The following DENND1A variants were observed in gnomAD, a reference collection of about 807,000 sequenced individuals.
DENND1A encodes DENN domain containing 1A.
DENND1A carries 51 observed loss-of-function variants against 113.7 expected under a neutral mutation model. The ratio of observed to expected loss-of-function variants is 0.45; its 90% CI spans 0.36 to 0.57. The LOEUF is 0.57. Ranked by LOEUF, DENND1A falls within the 20% of genes least tolerant of loss-of-function variation. DENND1A has a pLI of 0.00. For synonymous variants in DENND1A, 565 were observed against 570.8 expected (o/e 0.99, Z 0.14); for missense variants, 1,258 against 1,395.9 (o/e 0.90, Z 1.57).
intron 2 of DENND1A, among the ~76,000 whole-genome samples, chr9:123,857,277 C>T (rs1844361522): frequency 6.6e-6 from 1 of 152,180 alleles, no homozygotes; most frequent in Non-Finnish European, 1.5e-5. Flanking sequence ...CACAAGAGCC[C>T]TTCAAGTTGG....
At chr9:123,856,782 T>C (rs756791802) in intron 2 of DENND1A, among the ~76,000 whole-genome samples, 12 of 151,606 alleles carry the variant, frequency 7.9e-5, no homozygotes, top group South Asian at 2.1e-4. Flanking sequence ...AGAGCCCCAA[T>C]TGAGTTAAGG....
rs1256010674 is a variant in DENND1A, at chr9:123,440,484, G to A, written c.1364C>T (p.Ala455Val). The A allele has an allele frequency of 1.3e-6, 2 of 1,571,984 alleles. No homozygotes were observed. Among genetic ancestry groups the A allele is most frequent in the African/African-American group, 1.4e-5 (1 of 71,166 alleles). The change falls in exon 19 of 24, where the codon GCC becomes GTC. Residue 455 changes from alanine to valine, a missense_variant. Ala to Val is a moderately conservative substitution (Grantham distance 64). Around this residue, in one of 2 missense-constraint regions of DENND1A, gnomAD observed 1,159 missense variants for 1,231.7 expected, o/e 0.94. Coordinates refer to ENST00000394215, the MANE Select transcript of DENND1A (RefSeq NM_001352964.2). Reference sequence around the variant, plus strand: ...TGGGGTGGGGGCGCAGCCATTCTCGGCAATGTCCTGTAGGGAGAAGGATAG... The same window carrying A: ...TGGGGTGGGGGCGCAGCCATTCTCGACAATGTCCTGTAGGGAGAAGGATAG... ...VKNRLKQKDI[A>V]ENGCAPTPEE...
chr9:123,872,312 CAA>C (rs1265576735), intron 2 of DENND1A, among the ~76,000 whole-genome samples: 1 of 152,090 alleles, frequency 6.6e-6, no homozygotes, highest in Non-Finnish European at 1.5e-5. Context: ...TCATTTATAA[CAA>C]GAGAACTTTG....
At chr9:123,432,404 C>T (rs1284198188) in intron 19 of DENND1A, among the ~76,000 whole-genome samples, 1 of 152,242 alleles carries the variant, frequency 6.6e-6, no homozygotes, top group African/African-American at 2.4e-5. Flanking sequence ...AGGGGCCACG[C>T]TGCTCTTGGT....
Position 123,652,001 on chromosome 9 carries a change from C to T in DENND1A, c.618+12G>A, listed in dbSNP as rs767144652. 19 of 1,611,404 alleles carry T rather than the reference C, an allele frequency of 1.2e-5. No individual in the cohort carries two copies. In the South Asian group the frequency reaches 1.8e-4, roughly 15 times the overall value. On this transcript the variant is annotated intron_variant, in intron 9 of 23. Coordinates refer to ENST00000394215, the MANE Select transcript of DENND1A (RefSeq NM_001352964.2). Reference sequence around the variant, plus strand: ...GATCATTAAAAAGCCAGTCTTAAGACTGTCTACTCACAGTGCTGAGTTTGC... The same window carrying T: ...GATCATTAAAAAGCCAGTCTTAAGATTGTCTACTCACAGTGCTGAGTTTGC...
At position 123,583,314 on chromosome 9, in the gene DENND1A, C is replaced by T. The variant is rs750193009; in HGVS notation, c.766-44G>A. 7.0e-6 allele frequency: 10 copies of T among 1,424,196 alleles called. No homozygotes were observed. The South Asian group carries it at 1.2e-4, about 17-fold the overall frequency. 88.2% of individuals were successfully genotyped at this position (1,424,196 alleles called of 1,614,324 possible). On this transcript the variant is annotated intron_variant, in intron 11 of 23. Coordinates refer to ENST00000394215, the MANE Select transcript of DENND1A (RefSeq NM_001352964.2). ...CCACAAGAGAAGGTCATTGAGGTGCCATCAAGACACACTTCCCCTGCCTTC... is the reference window on the plus strand; with the variant it reads ...CCACAAGAGAAGGTCATTGAGGTGCTATCAAGACACACTTCCCCTGCCTTC...
chr9:123,927,921 C>T (rs1194724628), intron 1 of DENND1A, among the ~76,000 whole-genome samples: 1 of 152,208 alleles, frequency 6.6e-6, no homozygotes, highest in Non-Finnish European at 1.5e-5. Context: ...CCATTCCTAG[C>T]TACAGGCAGA....
At chr9:123,430,356 C>G (rs1237211721) in intron 19 of DENND1A, among the ~76,000 whole-genome samples, 1 of 152,070 alleles carries the variant, frequency 6.6e-6, no homozygotes, top group Non-Finnish European at 1.5e-5. Flanking sequence ...AAAGGAATAT[C>G]AATTATTCTA....
Position 123,757,659 on chromosome 9 carries a change from A to G in DENND1A, c.302+44T>C, listed in dbSNP as rs575057247. The stretch of plus-strand genomic sequence containing the variant: ...ACGGAAGAGCAATGCAGAAGCTGAC[A>G]TTGCTTCAGAGAACAAGCCAACAGC... On this transcript the variant is annotated intron_variant, in intron 5 of 23. Coordinates refer to ENST00000394215, the MANE Select transcript of DENND1A (RefSeq NM_001352964.2). 117 of 1,598,802 alleles carry G rather than the reference A, an allele frequency of 7.3e-5. 2 individuals are homozygous for G. In the South Asian group the frequency reaches 1.2e-3, roughly 17 times the overall value.
intron 1 of DENND1A, among the ~76,000 whole-genome samples, chr9:123,929,431 C>T (rs948515277): frequency 2.0e-5 from 3 of 152,218 alleles, no homozygotes; most frequent in Non-Finnish European, 4.4e-5. Flanking sequence ...GCGGCCCCTC[C>T]CTCTAAGAAC....
intron 13 of DENND1A, among the ~76,000 whole-genome samples, chr9:123,556,875 G>A (rs1178970092): frequency 6.6e-6 from 1 of 152,228 alleles, no homozygotes; most frequent in Non-Finnish European, 1.5e-5. Flanking sequence ...GACTGCTACT[G>A]CCCTTGGTTT....
chr9:123,480,814 G>C (rs1407426666), intron 13 of DENND1A, among the ~76,000 whole-genome samples: 2 of 152,186 alleles, frequency 1.3e-5, no homozygotes. Context: ...TCGAATGAAT[G>C]AATACGCTAC....
At chr9:123,726,249 T>G (rs1159856826) in intron 5 of DENND1A, among the ~76,000 whole-genome samples, 1 of 152,234 alleles carries the variant, frequency 6.6e-6, no homozygotes, top group Non-Finnish European at 1.5e-5. Flanking sequence ...GAAGAAGTCA[T>G]TTTTACGAAG....
At chr9:123,537,408 A>C (rs889150012) in intron 13 of DENND1A, among the ~76,000 whole-genome samples, 13 of 152,008 alleles carry the variant, frequency 8.6e-5, no homozygotes, top group Admixed American at 7.2e-4. Flanking sequence ...AGAAATAAAG[A>C]GATAAAAGAG....
rs528304968 is a variant in DENND1A at position 123,665,820 on chromosome 9, T to G, written c.507+1206A>C. 6.8e-4 allele frequency among the ~76,000 whole-genome samples: 104 copies of G among 152,308 alleles called. 2 individuals are homozygous for G. The South Asian group carries it at 0.01, about 15-fold the overall frequency. On this transcript the variant is annotated intron_variant, in intron 8 of 23. Transcript: ENST00000394215. ...ATTGATCTCAGCATCTATCACTGGA[T>G]GAACAGATACGCAAAATGTGGTCTA...
chr9:123,864,259 A>C (rs573726626), intron 2 of DENND1A, among the ~76,000 whole-genome samples: 1 of 152,364 alleles, frequency 6.6e-6, no homozygotes, highest in Non-Finnish European at 1.5e-5. Flanking sequence ...AAAAAGATGA[A>C]TAATTTCCCC....
chr9:123,578,704 C>T (rs767664411), intron 12 of DENND1A, among the ~76,000 whole-genome samples: 9 of 152,164 alleles, frequency 5.9e-5, no homozygotes, highest in Non-Finnish European at 1.0e-4. Flanking sequence ...TCAATTACTG[C>T]TACTCCAAAA....
At chr9:123,663,551 T>C (rs2063348863) in intron 8 of DENND1A, among the ~76,000 whole-genome samples, 1 of 152,088 alleles carries the variant, frequency 6.6e-6, no homozygotes, top group Non-Finnish European at 1.5e-5. Context: ...AATCCTTCAG[T>C]AGCCTCCTTC....
At chr9:123,608,767 A>G (rs1290316647) in intron 11 of DENND1A, among the ~76,000 whole-genome samples, 3 of 152,240 alleles carry the variant, frequency 2.0e-5, no homozygotes, top group Non-Finnish European at 4.4e-5. Flanking sequence ...AAAATTATAA[A>G]CAACCTCAGT....
Sources: gnomAD v4.1 joint callset for allele counts (sites outside exome capture counted in the v4.1 genomes callset) on GRCh38, gnomAD v4.1.1 for gene constraint, gnomAD v4.1.1 regional missense constraint, MANE v1.5 for transcripts, NCBI Gene and HGNC (gene_info 2026-07-23, HGNC 2026-07-21) for gene names.